The following EPHB4 variants were observed in gnomAD, a reference collection of about 807,000 sequenced individuals.
The protein encoded by EPHB4 is EPH receptor B4, also known as ephrin type-B receptor 4.
EPHB4 carries 50 observed loss-of-function variants against 110.6 expected under a neutral mutation model. The ratio of observed to expected loss-of-function variants is 0.45; its 90% confidence interval spans 0.36 to 0.57. The LOEUF is 0.57. Among genes scored for constraint, EPHB4 ranks in the 20% least tolerant of loss-of-function variants. The pLI, the probability that EPHB4 is intolerant of heterozygous loss-of-function variation, is 0.00. For missense variants in EPHB4, 1,128 were observed against 1,382.1 expected (o/e 0.82, Z 2.91); for synonymous variants, 592 against 578.4 (o/e 1.02, Z -0.34).
chr7:100,826,988 C>A lies in EPHB4; in HGVS notation c.43G>T (p.Ala15Ser). Residue 15 changes from alanine (A) to serine (S), a missense_variant, in exon 1 of 17, where the codon GCT (alanine) becomes TCT (serine). Coordinates refer to ENST00000358173, the MANE Select transcript of EPHB4 (RefSeq NM_004444.5). ...VLLCWASLAA[A>S]LEETLLNTKL... ...CCGCAAGGAAACTCACCTTCCAAAG[C>A]TGCGGCCAACGAAGCCCAGCAGAGC... is the stretch of plus-strand genomic sequence containing the variant. 1 of 1,565,998 alleles carries A rather than the reference C, an allele frequency of 6.4e-7. No individual in the cohort carries two copies. The highest frequency in any genetic ancestry group is 2.4e-5 in the East Asian group (1 of 41,320).
Position 100,812,952 on chromosome 7 carries a change from C to G in EPHB4, c.1913G>C (p.Gly638Ala). The G allele has an allele frequency of 1.9e-6, 3 of 1,614,038 alleles. No homozygotes were observed. Among genetic ancestry groups the G allele is most frequent in the Non-Finnish European group, 2.5e-6 (3 of 1,179,894 alleles). ...EVCRGRLKAP[G>A]KKESCVAIKT... ...GATTGCCACACAGCTCTCCTTCTTC[C>G]CTGGGGCCTTGAGCCGCCCCCGGCA... Residue 638 changes from glycine to alanine, a missense_variant, in exon 12 of 17, where the codon GGG (glycine) becomes GCG (alanine). This residue lies in a region of EPHB4 where 191 missense variants were observed against 313.0 expected (regional missense o/e 0.61). Transcript: ENST00000358173.
At chr7:100,808,768 C>T (rs1812868489) in intron 12 of EPHB4, among the ~76,000 whole-genome samples, 1 of 152,192 alleles carries the variant, frequency 6.6e-6, no homozygotes, top group African/African-American at 2.4e-5. Flanking sequence ...ATTTGGCAGA[C>T]CATCTGCAGC....
intron 12 of EPHB4, among the ~76,000 whole-genome samples, chr7:100,811,869 TAA>T (rs764889610): frequency 2.3e-4 from 31 of 132,172 alleles, no homozygotes; most frequent in Non-Finnish European, 2.6e-4. Flanking sequence ...GACTCTGTCT[TAA>T]AAAAAAAAAA....
intron 14 of EPHB4, 43 bp downstream of exon 14, chr7:100,806,377 G>C (rs771847518): frequency 6.3e-7 from 1 of 1,581,056 alleles, no homozygotes; most frequent in Non-Finnish European, 8.6e-7. Flanking sequence ...TCCCAGGTGA[G>C]AGAACACTCG....
In EPHB4 at chr7:100,818,373, C is replaced by A. The variant is rs994344895; in HGVS notation, c.1422+147G>T. 17 of 1,198,422 alleles carry A rather than the reference C, an allele frequency of 1.4e-5. No individual in the cohort carries two copies. In the African/African-American group the frequency reaches 2.1e-4, roughly 15 times the overall value. The allele number at this position is 1,198,422 out of a possible 1,614,324, so 74.2% of individuals were successfully genotyped here. The stretch of plus-strand genomic sequence containing the variant: ...ATAGATGAAGAGTCTGAGGCTCAGA[C>A]AGGCCAAGGGGCTTACCCAAGGCTG... On this transcript the variant is annotated intron_variant, in intron 7 of 16. Transcript: ENST00000358173.
intron 13 of EPHB4, 75 bp downstream of exon 13, chr7:100,807,290 A>G: frequency 6.7e-7 from 1 of 1,502,786 alleles, no homozygotes; most frequent in Non-Finnish European, 9.1e-7. Flanking sequence ...CCAAACCCTC[A>G]GCCTCCCACC....
At chr7:100,817,859 GTT>G (rs33978512) in intron 7 of EPHB4, among the ~76,000 whole-genome samples, 150 of 47,098 alleles carry the variant, frequency 3.2e-3, no homozygotes, top group Middle Eastern at 0.048. Flanking sequence ...TATTTTTTGC[GTT>G]TTTTTTTTTT....
chr7:100,815,969 TAA>T (rs1160150998), intron 8 of EPHB4, among the ~76,000 whole-genome samples: 1 of 149,486 alleles, frequency 6.7e-6, no homozygotes, highest in Non-Finnish European at 1.5e-5. Flanking sequence ...GCCTGGGTGA[TAA>T]AAAAGACCGT....
At position 100,803,413 on chromosome 7, in the gene EPHB4, C is replaced by G. The variant is rs529425818; in HGVS notation, c.*48G>C. The G allele has an allele frequency of 3.4e-6, 5 of 1,479,426 alleles. No homozygotes were observed. In the Admixed American group the frequency reaches 8.5e-5, roughly 25 times the overall value. 91.6% of individuals were successfully genotyped at this position (1,479,426 alleles called of 1,614,324 possible). On this transcript the variant is annotated 3_prime_UTR_variant, in exon 17 of 17. Coordinates refer to ENST00000358173, the MANE Select transcript of EPHB4 (RefSeq NM_004444.5). ...GGGCCTCTGTGAGTCCCCACTCTGC[C>G]CCGGAAAATGGGGAGGCGGTGTCCC...
chr7:100,822,250 A>G lies in EPHB4; in HGVS notation c.808+21T>C, dbSNP rs1294924731. 1.3e-6 allele frequency: 2 copies of G among 1,548,144 alleles called. No individual in the cohort carries two copies. Among genetic ancestry groups the G allele is most frequent in the Non-Finnish European group, 8.7e-7 (1 of 1,146,546 alleles). The stretch of plus-strand genomic sequence containing the variant: ...TCTCCCCCGGATGAGCAGCAGTCGC[A>G]GGGGAAGCTCCAGCTCTCACCTCGG... On this transcript the variant is annotated intron_variant, in intron 4 of 16. Coordinates refer to ENST00000358173, the MANE Select transcript of EPHB4 (RefSeq NM_004444.5). The surrounding 1 kb of genome is among the most constrained non-coding windows in gnomAD (Gnocchi z 4.7).
intron 13 of EPHB4, 144 bp from the exon 14 acceptor site, chr7:100,806,713 C>CAAA: frequency 9.5e-7 from 1 of 1,047,930 alleles, no homozygotes; most frequent in Non-Finnish European, 1.3e-6. Flanking sequence ...CTCTGTTTGC[C>CAAA]CAGGTTGGAG....
rs1251873744 is a variant in EPHB4 at position 100,803,547 on chromosome 7, T to C, written c.2878A>G (p.Lys960Glu). The C allele has an allele frequency of 6.2e-7, 1 of 1,604,640 alleles. No homozygotes were observed. Among genetic ancestry groups the C allele is most frequent in the Non-Finnish European group, 8.5e-7 (1 of 1,175,540 alleles). ...ATGTGCTGGACACTGGCCAAGATTT[T>C]CTTCTGGTGTCCCGCCAGAGTGACT... is the stretch of plus-strand genomic sequence containing the variant. ...IGVTLAGHQK[K>E]ILASVQHMKS... Residue 960 changes from lysine (K) to glutamate (E), a missense_variant, in exon 17 of 17, where the codon AAA (lysine) becomes GAA (glutamate). By Grantham distance (56) the Lys-to-Glu change is moderately conservative. This residue lies in a region of EPHB4 where 209 missense variants were observed against 240.5 expected (regional missense o/e 0.87). Coordinates refer to ENST00000358173, the MANE Select transcript of EPHB4 (RefSeq NM_004444.5).
At chr7:100,814,573 A>T (rs1485733683) in intron 8 of EPHB4, among the ~76,000 whole-genome samples, 1 of 152,226 alleles carries the variant, frequency 6.6e-6, no homozygotes, top group African/African-American at 2.4e-5. Context: ...TCCACAAAAA[A>T]ATCTCCATTC....
At chr7:100,805,080 G>T in intron 16 of EPHB4, 86 bp downstream of exon 16, 1 of 1,491,580 alleles carries the variant, frequency 6.7e-7, no homozygotes, top group South Asian at 1.3e-5. Flanking sequence ...ACCCGAAGCT[G>T]ACCCCAAAAG....
rs201451933 is a variant in EPHB4, at chr7:100,817,184, A to G, written c.1588+8T>C. The G allele has an allele frequency of 9.9e-5, 150 of 1,516,658 alleles. No individual in the cohort carries two copies. Among genetic ancestry groups the G allele is most frequent in the Non-Finnish European group, 7.1e-5 (81 of 1,133,292 alleles). 94.0% of individuals were successfully genotyped at this position (1,516,658 alleles called of 1,614,324 possible). A position where few individuals can be genotyped will look rare whatever the true frequency, so the allele number is the denominator to read the frequency against. On this transcript the variant is annotated splice_region_variant and intron_variant, in intron 8 of 16. Coordinates refer to ENST00000358173, the MANE Select transcript of EPHB4 (RefSeq NM_004444.5). ...AACCCCCACCCTCACCCCCTTCCCC[A>G]GGCTCACCATCCAGTTGGGTCTGGC... is the stretch of plus-strand genomic sequence containing the variant.
chr7:100,824,572 G>C (rs1813323443), intron 1 of EPHB4: 2 of 390,946 alleles, frequency 5.1e-6, no homozygotes, highest in Non-Finnish European at 9.5e-6. Context: ...CGGCAGCTCA[G>C]AAAGGGTTAA....
Position 100,805,329 on chromosome 7 carries a change from GC to G in EPHB4, c.2679-9del. On this transcript the variant is annotated splice_polypyrimidine_tract_variant and intron_variant, in intron 15 of 16. Coordinates refer to ENST00000358173, the MANE Select transcript of EPHB4 (RefSeq NM_004444.5). ...AGGAGAGGGTGTGAGGCCCTAGGGG[GC>G]AAGGATGGGGAGGAATGCTGAGTAC... The G allele has an allele frequency of 6.2e-7, 1 of 1,613,662 alleles. No individual in the cohort carries two copies. Among genetic ancestry groups the G allele is most frequent in the South Asian group, 1.1e-5 (1 of 90,990 alleles).
rs201432441 is a variant in EPHB4 at position 100,806,409 on chromosome 7, G to A, written c.2484+11C>T. 2,449 of 1,608,828 alleles carry A rather than the reference G, an allele frequency of 1.5e-3. 4 individuals carry two copies. Among genetic ancestry groups the A allele is most frequent in the South Asian group, 3.2e-3 (286 of 90,508 alleles). ...CTCGAGGAAAGCTTGGTAGGACCACGGGACACTTACGTCCTGATTGCTCAT... is the reference window on the plus strand; with the variant it reads ...CTCGAGGAAAGCTTGGTAGGACCACAGGACACTTACGTCCTGATTGCTCAT... On this transcript the variant is annotated intron_variant, in intron 14 of 16. Coordinates refer to ENST00000358173, the MANE Select transcript of EPHB4 (RefSeq NM_004444.5).
At position 100,809,836 on chromosome 7, in the gene EPHB4, AGGCAC is replaced by A. The variant is rs984333777; in HGVS notation, c.2119-2261_2119-2257del. On this transcript the variant is annotated intron_variant, in intron 12 of 16. Transcript: ENST00000358173. ...TAAGACCCTTTCTGTCTCTTCGACC[AGGCAC>A]GGTGGCTCACGCGTTTAATCCCAGC... Among the ~76,000 whole-genome samples the A allele has an allele frequency of 1.8e-4, 28 of 152,308 alleles. No homozygotes were observed. The South Asian group carries it at 3.7e-3, about 20-fold the overall frequency.
Sources: allele counts gnomAD v4.1 joint callset (sites outside exome capture counted in the v4.1 genomes callset), GRCh38; gene constraint gnomAD v4.1.1; regional missense constraint gnomAD v4.1.1; non-coding constraint Gnocchi (gnomAD v3.1); transcripts MANE v1.5; gene names NCBI Gene and HGNC (gene_info 2026-07-23, HGNC 2026-07-21).